The following EIF4G3 variants were observed in gnomAD, a reference collection of about 807,000 sequenced individuals.
EIF4G3 encodes eukaryotic translation initiation factor 4 gamma 3.
A neutral mutation model predicts 186.4 loss-of-function variants in EIF4G3; 34 were observed. The ratio of observed to expected loss-of-function variants is 0.18; its 90% CI spans 0.14 to 0.24. EIF4G3 has a LOEUF of 0.24. Ranked by LOEUF, EIF4G3 falls within the 10% of genes least tolerant of loss-of-function variation. The pLI is 1.00. For missense variants in EIF4G3, 1,536 were observed against 1,948.5 expected, an observed-to-expected ratio of 0.79 and a Z score of 3.99; for synonymous variants, 673 against 679.5, an observed-to-expected ratio of 0.99 and a Z score of 0.15.
At chr1:20,839,266 G>A (rs1010101610) in intron 30 of EIF4G3, among the ~76,000 whole-genome samples, 3 of 150,206 alleles carry the variant, frequency 2.0e-5, no homozygotes, top group South Asian at 2.1e-4. Flanking sequence ...TGTGAGCTAC[G>A]GTGCCCAGCC....
At chr1:21,002,668 A>G (rs764547929) in intron 5 of EIF4G3, 45 bp downstream of exon 5, 1 of 1,596,926 alleles carries the variant, frequency 6.3e-7, no homozygotes, top group East Asian at 2.2e-5. Flanking sequence ...ACACACACAA[A>G]CACAGGTAGA....
chr1:21,025,733 A>T (rs1373631052), intron 4 of EIF4G3, among the ~76,000 whole-genome samples: 1 of 152,222 alleles, frequency 6.6e-6, no homozygotes, highest in Non-Finnish European at 1.5e-5. Context: ...TTGAATAAAA[A>T]AGTGATGAAT....
intron 19 of EIF4G3, among the ~76,000 whole-genome samples, chr1:20,885,601 G>A (rs993321272): frequency 2.0e-5 from 3 of 152,152 alleles, no homozygotes; most frequent in Non-Finnish European, 4.4e-5. Context: ...ATCTCAAGTC[G>A]CAGAGGTAAC....
intron 30 of EIF4G3, among the ~76,000 whole-genome samples, chr1:20,840,026 C>A (rs1352753958): frequency 6.6e-6 from 1 of 152,068 alleles, no homozygotes; most frequent in Non-Finnish European, 1.5e-5. Flanking sequence ...AATGTCCAGA[C>A]CTTAGGAGAT....
chr1:20,971,598 T>C (rs1291693028), intron 11 of EIF4G3, among the ~76,000 whole-genome samples: 2 of 152,218 alleles, frequency 1.3e-5, no homozygotes, highest in African/African-American at 2.4e-5. Context: ...TTTCTAATGA[T>C]AAAAACAAGT....
chr1:21,162,634 T>C (rs1261349388), intron 2 of EIF4G3, among the ~76,000 whole-genome samples: 1 of 151,612 alleles, frequency 6.6e-6, no homozygotes, highest in East Asian at 1.9e-4. Context: ...TGCCAGCTAC[T>C]CTGTAGGCTG....
intron 6 of EIF4G3, among the ~76,000 whole-genome samples, chr1:20,999,920 T>C (rs1375112078): frequency 6.6e-6 from 1 of 152,132 alleles, no homozygotes; most frequent in African/African-American, 2.4e-5. Context: ...TTCTGTGAAC[T>C]TGGATCCAGT....
chr1:21,027,718 T>G (rs781431373), intron 4 of EIF4G3, among the ~76,000 whole-genome samples: 12 of 152,184 alleles, frequency 7.9e-5, no homozygotes, highest in East Asian at 1.9e-4. Flanking sequence ...ACAGCCATTG[T>G]GGAAAACAGT....
intron 3 of EIF4G3, among the ~76,000 whole-genome samples, chr1:21,070,437 CAAT>C (rs1291612471): frequency 6.6e-6 from 1 of 152,126 alleles, no homozygotes; most frequent in Non-Finnish European, 1.5e-5. Flanking sequence ...AGCAACAACA[CAAT>C]AATAAATATT....
intron 7 of EIF4G3, among the ~76,000 whole-genome samples, chr1:20,996,033 C>T (rs983745439): frequency 6.6e-6 from 1 of 152,250 alleles, no homozygotes; most frequent in African/African-American, 2.4e-5. Flanking sequence ...AAAATTTAAG[C>T]CATGCTTCTA....
intron 22 of EIF4G3, 127 bp downstream of exon 22, chr1:20,864,349 G>A (rs886755612): frequency 2.7e-5 from 20 of 739,046 alleles, no homozygotes; most frequent in East Asian, 1.5e-4. Context: ...ACAATGAGAC[G>A]GGCAAAAGAA....
At chr1:20,831,832 C>T (rs1371425179) in intron 30 of EIF4G3, among the ~76,000 whole-genome samples, 4 of 143,726 alleles carry the variant, frequency 2.8e-5, no homozygotes, top group African/African-American at 1.0e-4. Context: ...TTGTTCAATT[C>T]CCACCTATGA....
intron 2 of EIF4G3, among the ~76,000 whole-genome samples, chr1:21,105,539 T>G (rs181586465): frequency 1.3e-5 from 2 of 150,624 alleles, no homozygotes; most frequent in Admixed American, 6.6e-5. Context: ...TATGTTTTTT[T>G]AAGATTAAAT....
chr1:20,979,905 C>G (rs2077608792), intron 10 of EIF4G3, among the ~76,000 whole-genome samples: 1 of 152,080 alleles, frequency 6.6e-6, no homozygotes, highest in African/African-American at 2.4e-5. Context: ...CACCCGCCAC[C>G]ATGCCCGGCT....
intron 4 of EIF4G3, among the ~76,000 whole-genome samples, chr1:21,033,481 A>G (rs915114133): frequency 6.6e-6 from 1 of 152,190 alleles, no homozygotes; most frequent in Non-Finnish European, 1.5e-5. Flanking sequence ...TAAATACGCC[A>G]AAGCTACTGC....
At chr1:20,889,566 G>A (rs1443435888) in intron 18 of EIF4G3, among the ~76,000 whole-genome samples, 2 of 152,012 alleles carry the variant, frequency 1.3e-5, no homozygotes, top group Non-Finnish European at 2.9e-5. Flanking sequence ...GCACGATCTC[G>A]GCTCACTATA....
intron 3 of EIF4G3, among the ~76,000 whole-genome samples, chr1:21,072,430 G>A (rs2095470368): frequency 6.6e-6 from 1 of 152,060 alleles, no homozygotes; most frequent in Non-Finnish European, 1.5e-5. Context: ...TTGAGATGGA[G>A]TCTCACTCTG....
intron 4 of EIF4G3, among the ~76,000 whole-genome samples, chr1:21,033,102 C>T (rs1452084923): frequency 6.6e-6 from 1 of 152,180 alleles, no homozygotes; most frequent in Non-Finnish European, 1.5e-5. Context: ...TTCTAGATGA[C>T]ATCAAGGTAA....
At chr1:21,003,189 T>C (rs1040657903) in intron 4 of EIF4G3, among the ~76,000 whole-genome samples, 7 of 150,232 alleles carry the variant, frequency 4.7e-5, no homozygotes, top group Non-Finnish European at 7.4e-5. Context: ...TTTTTTTTTT[T>C]CAGAGACAGG....
Sources: allele counts gnomAD v4.1 joint callset (sites outside exome capture counted in the v4.1 genomes callset), GRCh38; gene constraint gnomAD v4.1.1; transcripts MANE v1.5; gene names NCBI Gene and HGNC (gene_info 2026-07-23, HGNC 2026-07-21).